Variants in ENAH observed in about 807,000 individuals in gnomAD.
ENAH encodes the protein protein enabled homolog.
In ENAH, 23 loss-of-function variants were observed where a neutral mutation model predicts 78.7. That is an observed-to-expected ratio of 0.29 (90% CI 0.21 to 0.41). The LOEUF (loss-of-function observed/expected upper bound fraction) is 0.41. ENAH is among the 10% of genes least tolerant of loss of function. The probability of loss-of-function intolerance (pLI) is 1.00; values close to 1 mark genes in which losing one functional copy is unlikely to be tolerated. For synonymous variants in ENAH, 226 were observed against 241.0 expected (o/e 0.94, Z 0.58); for missense variants, 544 against 691.0 (o/e 0.79, Z 2.39).
At chr1:225,589,472 G>C (rs1331073105) in intron 1 of ENAH, among the ~76,000 whole-genome samples, 1 of 152,022 alleles carries the variant, frequency 6.6e-6, no homozygotes, top group Non-Finnish European at 1.5e-5. Flanking sequence ...CTGGCTGCAG[G>C]ACTCCCACAG....
At chr1:225,520,922 A>AAGGGAGGGAGGGAGGG (rs68163613) in intron 4 of ENAH, among the ~76,000 whole-genome samples, 2 of 60,914 alleles carry the variant, frequency 3.3e-5, no homozygotes, top group Non-Finnish European at 5.7e-5. Context: ...GGAAGGGAGG[A>AAGGGAGGGAGGGAGGG]AGGGAGGGAG....
chr1:225,549,200 G>A (rs926810188), intron 3 of ENAH, among the ~76,000 whole-genome samples: 2 of 152,142 alleles, frequency 1.3e-5, no homozygotes, highest in African/African-American at 4.8e-5. Context: ...AATAAGATTA[G>A]TTGTTTCGGA....
chr1:225,589,016 A>G (rs967071701), intron 1 of ENAH, among the ~76,000 whole-genome samples: 2 of 152,180 alleles, frequency 1.3e-5, no homozygotes, highest in Admixed American at 1.3e-4. Context: ...TATACATGAC[A>G]TGATAAATTG....
intron 1 of ENAH, among the ~76,000 whole-genome samples, chr1:225,603,054 A>G (rs1252818522): frequency 6.6e-6 from 1 of 152,096 alleles, no homozygotes; most frequent in Non-Finnish European, 1.5e-5. Flanking sequence ...TATGAGCACA[A>G]AAACAAATAC....
intron 1 of ENAH, among the ~76,000 whole-genome samples, chr1:225,591,077 T>C (rs1021866368): frequency 1.3e-5 from 2 of 152,226 alleles, no homozygotes; most frequent in Non-Finnish European, 2.9e-5. Context: ...CAGATGACAA[T>C]GATGATTTTA....
In ENAH at chr1:225,620,029, T is replaced by C. The variant is rs6665416; in HGVS notation, c.5+32657A>G. On this transcript the variant is annotated intron_variant, in intron 1 of 13. Transcript: ENST00000366843. ...AATAGTGTAACACATACTTCAAGGA[T>C]ACGATGCATTAAATGGCCTTGTGTG... 7.3e-4 allele frequency among the ~76,000 whole-genome samples: 111 copies of C among 152,258 alleles called. 1 individual carries two copies. The highest frequency in any genetic ancestry group is 2.5e-3 in the African/African-American group (104 of 41,562).
In ENAH at chr1:225,508,012, T is replaced by A; in HGVS notation, c.1477A>T (p.Thr493Ser). The A allele has an allele frequency of 1.3e-6, 2 of 1,550,146 alleles. No individual in the cohort carries two copies. The highest frequency in any genetic ancestry group is 1.7e-6 in the Non-Finnish European group (2 of 1,156,752). ...KASSTSTPEP[T>S]RKPWERTNTM... is the part of the protein sequence containing the mutation. ...TTTGTTCTTTCCCAAGGTTTTCTTG[T>A]TGGTTCTTTAAAAATAAAAAACAAA... Residue 493 changes from threonine to serine, a missense_variant, in exon 11 of 14, where the codon ACA becomes TCA. By Grantham distance (58) the Thr-to-Ser change is moderately conservative. Around this residue, in one of 4 missense-constraint regions of ENAH, gnomAD observed 97 missense variants for 124.4 expected, o/e 0.78. Transcript: ENST00000366843.
chr1:225,511,055 C>T (rs537411881), intron 10 of ENAH, among the ~76,000 whole-genome samples: 1 of 152,144 alleles, frequency 6.6e-6, no homozygotes, highest in Admixed American at 6.5e-5. Flanking sequence ...AAAAAGGGAA[C>T]TGTAGATGCA....
chr1:225,520,430 A>G (rs1400163214), intron 4 of ENAH, among the ~76,000 whole-genome samples: 1 of 152,242 alleles, frequency 6.6e-6, no homozygotes, highest in Non-Finnish European at 1.5e-5. Context: ...ATATACACAT[A>G]CGCGCACACA....
chr1:225,583,903 A>T (rs2096832501), intron 1 of ENAH, among the ~76,000 whole-genome samples: 1 of 152,184 alleles, frequency 6.6e-6, no homozygotes. Context: ...CTGTAATCCC[A>T]GCACTTTGGG....
At chr1:225,583,772 C>A (rs1257824274) in intron 1 of ENAH, among the ~76,000 whole-genome samples, 1 of 149,710 alleles carries the variant, frequency 6.7e-6, no homozygotes, top group Non-Finnish European at 1.5e-5. Flanking sequence ...TGCACCACTG[C>A]ACTCCAGCCT....
At chr1:225,596,063 ATT>A (rs981439057) in intron 1 of ENAH, among the ~76,000 whole-genome samples, 1 of 152,032 alleles carries the variant, frequency 6.6e-6, no homozygotes, top group African/African-American at 2.4e-5. Flanking sequence ...GCCTCTCACA[ATT>A]TTTCTAATAA....
In ENAH at chr1:225,555,178, TC is replaced by T. The variant is rs1368218536; in HGVS notation, c.172-96del. The T allele has an allele frequency of 6.2e-6, 7 of 1,134,518 alleles. No homozygotes were observed. In the East Asian group the frequency reaches 1.0e-4, roughly 17 times the overall value. The allele number at this position is 1,134,518 out of a possible 1,614,324, so 70.3% of individuals were successfully genotyped here. A position where few individuals can be genotyped will look rare whatever the true frequency, so the allele number is the denominator to read the frequency against. On this transcript the variant is annotated intron_variant, in intron 2 of 13. Coordinates refer to ENST00000366843, the MANE Select transcript of ENAH (RefSeq NM_018212.6). The stretch of plus-strand genomic sequence containing the variant: ...ATTGTATATATTCATTCAAATGTGT[TC>T]CTAACAGACCTTGGCAAAAATTGCT...
intron 1 of ENAH, among the ~76,000 whole-genome samples, chr1:225,614,310 C>T (rs573679087): frequency 2.0e-4 from 30 of 152,270 alleles, no homozygotes; most frequent in Admixed American, 1.1e-3. Flanking sequence ...CCACCCACCT[C>T]GGCCTCCCAA....
chr1:225,605,488 C>T (rs1386829998), intron 1 of ENAH, among the ~76,000 whole-genome samples: 1 of 152,200 alleles, frequency 6.6e-6, no homozygotes, highest in Non-Finnish European at 1.5e-5. Context: ...GGCTAGAGTT[C>T]AAACCAGGCC....
intron 2 of ENAH, among the ~76,000 whole-genome samples, chr1:225,561,126 C>A (rs1020317210): frequency 6.6e-6 from 1 of 151,596 alleles, no homozygotes; most frequent in Non-Finnish European, 1.5e-5. Flanking sequence ...CCCTGCTACT[C>A]GGGAGGCTGA....
Position 225,556,871 on chromosome 1 carries a change from A to G in ENAH, c.172-1788T>C, listed in dbSNP as rs141333936. The stretch of plus-strand genomic sequence containing the variant: ...TTGATCTGTGCCTATGGTGTGAGGT[A>G]GGGATCAAGTTTGCTATTTGTTTCA... On this transcript the variant is annotated intron_variant, in intron 2 of 13. Transcript: ENST00000366843. Among the ~76,000 whole-genome samples the G allele has an allele frequency of 7.8e-4, 119 of 152,278 alleles. 1 individual carries two copies. The East Asian group carries it at 0.02, about 25-fold the overall frequency.
upstream of ENAH, among the ~76,000 whole-genome samples, chr1:225,653,379 C>T (rs1386461021): frequency 6.6e-6 from 1 of 151,776 alleles, no homozygotes; most frequent in Non-Finnish European, 1.5e-5. The surrounding 1 kb of genome is among the most constrained non-coding windows in gnomAD (Gnocchi z 4.3). Flanking sequence ...CCCTACCCCG[C>T]CCCCTGCACC....
Position 225,567,243 on chromosome 1 carries a change from C to T in ENAH, c.171+6G>A. ...ATTTTTAACAACAATTGTAGTAAAG[C>T]CTTACCTGATGGTCCTGAATCTTCC... On this transcript the variant is annotated splice_donor_region_variant and intron_variant, in intron 2 of 13. Coordinates refer to ENST00000366843, the MANE Select transcript of ENAH (RefSeq NM_018212.6). The T allele has an allele frequency of 6.2e-7, 1 of 1,612,848 alleles. No homozygotes were observed. Among genetic ancestry groups the T allele is most frequent in the Admixed American group, 1.7e-5 (1 of 59,782 alleles).
Sources: gnomAD v4.1 joint callset for allele counts (sites outside exome capture counted in the v4.1 genomes callset) on GRCh38, gnomAD v4.1.1 for gene constraint, gnomAD v4.1.1 regional missense constraint, Gnocchi (gnomAD v3.1) non-coding constraint, MANE v1.5 for transcripts, NCBI Gene and HGNC (gene_info 2026-07-23, HGNC 2026-07-21) for gene names.